Variants in FHIT observed in about 807,000 individuals in gnomAD.
FHIT encodes the protein fragile histidine triad diadenosine triphosphatase, also known as bis(5'-adenosyl)-triphosphatase.
In FHIT, 19 loss-of-function variants were observed where a neutral mutation model predicts 17.9. The ratio of observed to expected loss-of-function variants is 1.06; its 90% CI spans 0.74 to 1.56. The LOEUF (loss-of-function observed/expected upper bound fraction) is 1.56. Among genes scored for constraint, FHIT ranks in the 40% most tolerant of loss-of-function variants. The probability of loss-of-function intolerance (pLI) is 0.00; values close to 1 mark genes in which losing one functional copy is unlikely to be tolerated. For missense variants in FHIT, 248 were observed against 189.2 expected, an observed-to-expected ratio of 1.31 and a Z score of -1.82; for synonymous variants, 81 against 69.7, an observed-to-expected ratio of 1.16 and a Z score of -0.81.
At chr3:59,758,940 T>C (rs1008336620) in intron 8 of FHIT, among the ~76,000 whole-genome samples, 7 of 151,928 alleles carry the variant, frequency 4.6e-5, no homozygotes, top group African/African-American at 1.5e-4. Flanking sequence ...GAAAGCTACA[T>C]TTTTCATGGA....
At chr3:59,841,087 T>A (rs778143744) in intron 8 of FHIT, among the ~76,000 whole-genome samples, 3 of 152,190 alleles carry the variant, frequency 2.0e-5, no homozygotes, top group Non-Finnish European at 4.4e-5. Context: ...CCTCTGAAGG[T>A]CAAGTTGGCT....
intron 2 of FHIT, among the ~76,000 whole-genome samples, chr3:61,180,337 C>T (rs757717588): frequency 4.6e-5 from 7 of 152,106 alleles, no homozygotes; most frequent in African/African-American, 7.2e-5. Flanking sequence ...TTAACAATTG[C>T]GTTTAAAATG....
At chr3:60,380,445 A>T (rs9816428) in intron 5 of FHIT, among the ~76,000 whole-genome samples, 95,327 of 152,048 alleles carry the variant, frequency 0.63, 29,991 homozygotes, top group East Asian at 0.69. Flanking sequence ...TTTCATTATA[A>T]ATTACCTAGT....
intron 4 of FHIT, among the ~76,000 whole-genome samples, chr3:60,686,851 G>A (rs2040872394): frequency 6.6e-6 from 1 of 152,134 alleles, no homozygotes; most frequent in Admixed American, 6.6e-5. Context: ...TTGACCTCAG[G>A]ATAATAGTCA....
chr3:60,436,391 T>A (rs2030245124), intron 5 of FHIT, among the ~76,000 whole-genome samples: 1 of 152,094 alleles, frequency 6.6e-6, no homozygotes, highest in Admixed American at 6.6e-5. Flanking sequence ...TGATAGGCAT[T>A]CAGATTGAGT....
At chr3:59,802,742 ATTGTT>A (rs1159712624) in intron 8 of FHIT, among the ~76,000 whole-genome samples, 1 of 152,170 alleles carries the variant, frequency 6.6e-6, no homozygotes, top group African/African-American at 2.4e-5. Flanking sequence ...ACGCGTGACA[ATTGTT>A]TTATGTGCCC....
At chr3:60,588,449 G>C (rs782286260) in intron 4 of FHIT, among the ~76,000 whole-genome samples, 3 of 151,942 alleles carry the variant, frequency 2.0e-5, no homozygotes, top group Non-Finnish European at 4.4e-5. Context: ...AGGAGAAAGA[G>C]AGGGGAAGGA....
intron 5 of FHIT, among the ~76,000 whole-genome samples, chr3:60,453,140 A>G (rs1168139946): frequency 6.6e-6 from 1 of 152,152 alleles, no homozygotes; most frequent in Non-Finnish European, 1.5e-5. Flanking sequence ...AGTTGGGAAT[A>G]TAATGATGCA....
chr3:60,065,351 G>A (rs1037620178), intron 5 of FHIT, among the ~76,000 whole-genome samples: 1 of 152,024 alleles, frequency 6.6e-6, no homozygotes, highest in East Asian at 1.9e-4. Flanking sequence ...TCACCGAGAG[G>A]CTTAACCTGC....
At chr3:60,966,302 T>C (rs1209787614) in intron 3 of FHIT, among the ~76,000 whole-genome samples, 1 of 152,198 alleles carries the variant, frequency 6.6e-6, no homozygotes, top group African/African-American at 2.4e-5. Context: ...ACAGTATTAG[T>C]GTGGGAGTGT....
At chr3:60,531,860 C>G (rs1049450272) in intron 5 of FHIT, among the ~76,000 whole-genome samples, 5 of 152,166 alleles carry the variant, frequency 3.3e-5, no homozygotes, top group African/African-American at 1.2e-4. Flanking sequence ...AGTTAATATT[C>G]CGTATTAAAA....
intron 4 of FHIT, among the ~76,000 whole-genome samples, chr3:60,615,861 C>T (rs1220638543): frequency 4.6e-5 from 7 of 152,126 alleles, no homozygotes; most frequent in African/African-American, 1.2e-4. Flanking sequence ...GAATACTCTT[C>T]CCTGGATGGT....
intron 5 of FHIT, among the ~76,000 whole-genome samples, chr3:60,300,055 G>T (rs1038907283): frequency 6.6e-6 from 1 of 151,980 alleles, no homozygotes. Context: ...GATAGCTAAG[G>T]CAAAAACAAC....
chr3:60,788,437 T>C (rs1366396713), intron 4 of FHIT, among the ~76,000 whole-genome samples: 2 of 152,216 alleles, frequency 1.3e-5, no homozygotes, highest in Non-Finnish European at 2.9e-5. Flanking sequence ...ATCAACTATA[T>C]ATATACATAG....
intron 4 of FHIT, among the ~76,000 whole-genome samples, chr3:60,818,145 G>A (rs1289113348): frequency 1.3e-5 from 2 of 151,948 alleles, no homozygotes; most frequent in Non-Finnish European, 2.9e-5. Flanking sequence ...TATTCATTAT[G>A]AGTTTATTTT....
At chr3:60,335,121 C>T (rs1710171528) in intron 5 of FHIT, among the ~76,000 whole-genome samples, 1 of 152,004 alleles carries the variant, frequency 6.6e-6, no homozygotes, top group African/African-American at 2.4e-5. Context: ...ATAACAAGGA[C>T]ATTCACACAA....
At chr3:60,362,381 T>G (rs1303177506) in intron 5 of FHIT, among the ~76,000 whole-genome samples, 1 of 152,194 alleles carries the variant, frequency 6.6e-6, no homozygotes, top group African/African-American at 2.4e-5. Flanking sequence ...TGAAGGCTTT[T>G]CTGTTCGGAT....
intron 5 of FHIT, among the ~76,000 whole-genome samples, chr3:60,084,976 T>C (rs1703436779): frequency 6.6e-6 from 1 of 152,160 alleles, no homozygotes; most frequent in Non-Finnish European, 1.5e-5. Flanking sequence ...TTCTTTTCTA[T>C]ATGTTGGAGG....
intron 8 of FHIT, among the ~76,000 whole-genome samples, chr3:59,858,956 C>T (rs547942234): frequency 6.6e-6 from 1 of 152,188 alleles, no homozygotes; most frequent in East Asian, 1.9e-4. Flanking sequence ...TACATATTTC[C>T]TAGCTCTGTG....
Sources: allele counts gnomAD v4.1 joint callset (sites outside exome capture counted in the v4.1 genomes callset), GRCh38; gene constraint gnomAD v4.1.1; transcripts MANE v1.5; gene names NCBI Gene and HGNC (gene_info 2026-07-23, HGNC 2026-07-21).